Variants in LMO7 observed in about 807,000 individuals in gnomAD.
LMO7 encodes the protein LIM domain only protein 7.
LMO7 carries 120 observed loss-of-function variants against 206.5 expected under a neutral mutation model. The ratio of observed to expected loss-of-function variants is 0.58; its 90% CI spans 0.50 to 0.68. The LOEUF is 0.68. Ranked by LOEUF, LMO7 falls within the 30% of genes least tolerant of loss-of-function variation. LMO7 has a pLI of 0.00. For synonymous variants in LMO7, 706 were observed against 681.5 expected (o/e 1.04, Z -0.56); for missense variants, 1,959 against 1,957.9 (o/e 1.00, Z -0.01).
chr13:75,769,460 G>T (rs1440125830), intron 4 of LMO7, among the ~76,000 whole-genome samples: 5 of 151,658 alleles, frequency 3.3e-5, no homozygotes, highest in African/African-American at 1.2e-4. Flanking sequence ...TGTTCCCAAA[G>T]AATTACTGTA....
chr13:75,827,215 G>A (rs1266199128), intron 15 of LMO7, among the ~76,000 whole-genome samples: 1 of 152,208 alleles, frequency 6.6e-6, no homozygotes, highest in African/African-American at 2.4e-5. Context: ...CTAGGCTGAA[G>A]TATGAACTTG....
Position 75,722,922 on chromosome 13 carries a change from A to C in LMO7, c.141-4107A>C, listed in dbSNP as rs566744060. On this transcript the variant is annotated intron_variant, in intron 2 of 30. Transcript: ENST00000377534. ...CTAAGTGAAGTAACTCAGGAATGAA[A>C]AACCAAATATTATATGTTCTCACTC... is the stretch of plus-strand genomic sequence containing the variant. Among the ~76,000 whole-genome samples the C allele has an allele frequency of 2.6e-5, 4 of 152,320 alleles. No homozygotes were observed. In the East Asian group the frequency reaches 7.7e-4, roughly 29 times the overall value.
At position 75,803,840 on chromosome 13, in the gene LMO7, A is replaced by G. The variant is rs113134351; in HGVS notation, c.662-449A>G. 3.2e-3 allele frequency among the ~76,000 whole-genome samples: 488 copies of G among 151,478 alleles called. 5 individuals carry two copies. The highest frequency in any genetic ancestry group is 0.011 in the African/African-American group (462 of 41,222). On this transcript the variant is annotated intron_variant, in intron 7 of 30. Coordinates refer to ENST00000377534, the MANE Select transcript of LMO7 (RefSeq NM_001306080.2). ...GTTTTTTTTTTTCTTCTCTTTCTAC[A>G]TCCTTCCTGATCTCTCTCCTCACAT... is the stretch of plus-strand genomic sequence containing the variant.
intron 1 of LMO7, among the ~76,000 whole-genome samples, chr13:75,667,383 A>G (rs1250738121): frequency 2.0e-5 from 3 of 152,086 alleles, no homozygotes; most frequent in African/African-American, 7.2e-5. Flanking sequence ...TGGGTCACCA[A>G]TTGTTATCCA....
chr13:75,839,909 TG>T (rs1377182055), intron 20 of LMO7, 175 bp from the exon 21 acceptor site: 4 of 559,980 alleles, frequency 7.1e-6, no homozygotes, highest in Non-Finnish European at 1.3e-5. Context: ...GAGTAACAGA[TG>T]GAACTGTTAC....
At chr13:75,854,299 A>G (rs770641399) in intron 28 of LMO7, among the ~76,000 whole-genome samples, 12 of 152,248 alleles carry the variant, frequency 7.9e-5, no homozygotes, top group Admixed American at 6.5e-5. Context: ...TGTTTTATAT[A>G]AATCCAAAAT....
intron 1 of LMO7, among the ~76,000 whole-genome samples, chr13:75,648,020 T>A (rs933144383): frequency 2.9e-5 from 4 of 140,124 alleles, no homozygotes; most frequent in African/African-American, 5.1e-5. Context: ...CAATCATAGC[T>A]GACTACAGGC....
chr13:75,789,213 C>T (rs1229401074), intron 4 of LMO7: 1 of 152,102 alleles, frequency 6.6e-6, no homozygotes, highest in African/African-American at 2.4e-5. Flanking sequence ...ACATGTTTCC[C>T]TGTATAATGA....
intron 6 of LMO7, among the ~76,000 whole-genome samples, chr13:75,797,421 T>A (rs2054170982): frequency 6.6e-6 from 1 of 152,212 alleles, no homozygotes; most frequent in Non-Finnish European, 1.5e-5. Context: ...TCTTCATTTA[T>A]AAGATCCACA....
At chr13:75,840,595 A>G in intron 22 of LMO7, 100 bp downstream of exon 22, 2 of 1,346,578 alleles carry the variant, frequency 1.5e-6, no homozygotes, top group Non-Finnish European at 2.0e-6. Context: ...AAACGCAACA[A>G]TCTCACAACT....
intron 8 of LMO7, chr13:75,804,947 G>T: frequency 3.0e-6 from 3 of 1,003,646 alleles, no homozygotes; most frequent in Non-Finnish European, 3.6e-6. Context: ...CCTCTCATGG[G>T]GAGGCGTACG....
At chr13:75,660,797 C>T (rs1391533300) in intron 1 of LMO7, among the ~76,000 whole-genome samples, 1 of 152,080 alleles carries the variant, frequency 6.6e-6, no homozygotes, top group Non-Finnish European at 1.5e-5. Flanking sequence ...TTTTTAGAAA[C>T]CCGGTCCCTT....
intron 5 of LMO7, among the ~76,000 whole-genome samples, chr13:75,796,142 CTGTT>C (rs1220019676): frequency 6.6e-6 from 1 of 152,134 alleles, no homozygotes; most frequent in African/African-American, 2.4e-5. Flanking sequence ...AAAGCACTGA[CTGTT>C]TAAGGACTCT....
chr13:75,831,248 A>G (rs935465501), intron 15 of LMO7, among the ~76,000 whole-genome samples: 5 of 152,324 alleles, frequency 3.3e-5, no homozygotes, highest in Middle Eastern at 3.4e-3. Flanking sequence ...TCCCATACCC[A>G]CTGAGATATA....
At chr13:75,630,625 A>G (rs45518534) in intron 2 of LMO7, among the ~76,000 whole-genome samples, 4,044 of 152,252 alleles carry the variant, frequency 0.027, 88 homozygotes, top group Middle Eastern at 0.041. Flanking sequence ...AATGAGTGCC[A>G]CTGCATTCCA....
intron 2 of LMO7, among the ~76,000 whole-genome samples, chr13:75,723,510 A>G (rs1249601670): frequency 2.0e-5 from 3 of 152,212 alleles, no homozygotes; most frequent in African/African-American, 7.2e-5. Context: ...TGATAAAGGG[A>G]AAAATGAGAT....
chr13:75,648,765 C>T (rs1275435783), intron 1 of LMO7, among the ~76,000 whole-genome samples: 1 of 152,170 alleles, frequency 6.6e-6, no homozygotes, highest in Non-Finnish European at 1.5e-5. Context: ...CTATCAAAAG[C>T]ATCAGAAAGA....
intron 16 of LMO7, 122 bp downstream of exon 16, chr13:75,833,287 T>G (rs1332200281): frequency 1.5e-6 from 1 of 648,650 alleles, no homozygotes; most frequent in Non-Finnish European, 2.8e-6. Flanking sequence ...AATGCAACCA[T>G]AAGGCCAGAA....
chr13:75,732,191 G>T (rs1021529270), intron 3 of LMO7, among the ~76,000 whole-genome samples: 1 of 152,142 alleles, frequency 6.6e-6, no homozygotes, highest in African/African-American at 2.4e-5. Flanking sequence ...GATTGGGGAA[G>T]TTCTCCTGGA....
Sources: allele counts gnomAD v4.1 joint callset (sites outside exome capture counted in the v4.1 genomes callset), GRCh38; gene constraint gnomAD v4.1.1; transcripts MANE v1.5; gene names NCBI Gene and HGNC (gene_info 2026-07-23, HGNC 2026-07-21).